CAND1: variants seen among roughly 807,000 people sequenced by gnomAD.
CAND1 encodes cullin-associated NEDD8-dissociated protein 1.
A neutral mutation model predicts 108.5 loss-of-function variants in CAND1; 7 were observed. The observed-to-expected ratio is 0.06, with a 90% CI of 0.04 to 0.12. CAND1 has a LOEUF of 0.12. CAND1 is among the 10% of genes least tolerant of loss of function. The pLI is 1.00. For synonymous variants in CAND1, 534 were observed against 512.0 expected (o/e 1.04, Z -0.58); for missense variants, 941 against 1,448.7 (o/e 0.65, Z 5.69).
chr12:67,288,329 T>C (rs1221769436), intron 2 of CAND1, among the ~76,000 whole-genome samples: 1 of 151,948 alleles, frequency 6.6e-6, no homozygotes, highest in Non-Finnish European at 1.5e-5. Flanking sequence ...GGTTTCACCA[T>C]GTTGGCCAGG....
In CAND1 at chr12:67,269,394, G is replaced by A. The variant is rs1472430670; in HGVS notation, c.-324G>A. 3 of 348,344 alleles carry A rather than the reference G, an allele frequency of 8.6e-6. No individual in the cohort carries two copies. Among genetic ancestry groups the A allele is most frequent in the Non-Finnish European group, 1.6e-5 (3 of 191,906 alleles). 21.6% of individuals were successfully genotyped at this position (348,344 alleles called of 1,614,324 possible). A position where few individuals can be genotyped will look rare whatever the true frequency, so the allele number is the denominator to read the frequency against. ...GGGAGCGAGTGCGGAGCGAGTGGGA[G>A]CGAGACGGCCCTGAGTGGAAGTGTC... On this transcript the variant is annotated 5_prime_UTR_variant, in exon 1 of 15. Transcript: ENST00000545606.
intron 6 of CAND1, among the ~76,000 whole-genome samples, chr12:67,298,330 G>A (rs2136010517): frequency 6.6e-6 from 1 of 151,826 alleles, no homozygotes; most frequent in African/African-American, 2.4e-5. Context: ...TACAAGATAA[G>A]TAACATTATT....
chr12:67,303,139 A>G (rs67547277), intron 8 of CAND1, among the ~76,000 whole-genome samples: 2,866 of 152,250 alleles, frequency 0.019, 40 homozygotes, highest in Middle Eastern at 0.041. Flanking sequence ...ACTTGAGGGC[A>G]TTTGTTTTCT....
chr12:67,272,370 T>C (rs1466881560), intron 1 of CAND1, among the ~76,000 whole-genome samples: 1 of 152,214 alleles, frequency 6.6e-6, no homozygotes. Context: ...CTGAGAGGCA[T>C]GGACATGACT....
At chr12:67,280,827 G>A (rs1201601980) in intron 1 of CAND1, among the ~76,000 whole-genome samples, 3 of 150,884 alleles carry the variant, frequency 2.0e-5, no homozygotes, top group Non-Finnish European at 4.4e-5. Context: ...GATCACTCTG[G>A]GTTTTTGCCA....
intron 2 of CAND1, among the ~76,000 whole-genome samples, chr12:67,290,752 A>C (rs190422671): frequency 6.6e-6 from 1 of 152,240 alleles, no homozygotes; most frequent in East Asian, 1.9e-4. Context: ...TGACTTCTTA[A>C]TATAGGGGTC....
intron 13 of CAND1, chr12:67,310,749 G>C (rs2044940611): frequency 6.5e-6 from 1 of 153,232 alleles, no homozygotes. Flanking sequence ...AGTCTGAATT[G>C]TAACTGTATC....
chr12:67,269,688 G>T lies in CAND1; in HGVS notation c.-30G>T. The T allele has an allele frequency of 6.3e-7, 1 of 1,585,516 alleles. No individual in the cohort carries two copies. Among genetic ancestry groups the T allele is most frequent in the South Asian group, 1.1e-5 (1 of 88,312 alleles). On this transcript the variant is annotated 5_prime_UTR_variant, in exon 1 of 15. Coordinates refer to ENST00000545606, the MANE Select transcript of CAND1 (RefSeq NM_018448.5). ...GCGGCAGCGGGCAGCAGCTCCAGCA[G>T]CGCCAGCAGGCGGGATCGAGGCCGT...
chr12:67,299,587 G>C (rs952089997), intron 7 of CAND1, among the ~76,000 whole-genome samples: 3 of 152,048 alleles, frequency 2.0e-5, no homozygotes, highest in African/African-American at 7.2e-5. Context: ...AAGAATATTA[G>C]TTTGTTTATT....
At chr12:67,291,246 G>A (rs1389888127) in intron 2 of CAND1, among the ~76,000 whole-genome samples, 2 of 152,208 alleles carry the variant, frequency 1.3e-5, no homozygotes, top group South Asian at 2.1e-4. Flanking sequence ...TATATGCAAG[G>A]TGCTTTGGGA....
chr12:67,305,612 G>T lies in CAND1; in HGVS notation c.1944G>T (p.Leu648=), dbSNP rs201425450. The change falls in exon 10 of 15, where the codon CTG becomes CTT. Residue 648 remains leucine, a synonymous_variant. Transcript: ENST00000545606. The surrounding 1 kb of genome is among the most constrained non-coding windows in gnomAD (Gnocchi z 4.4). ...SPLKIDLRPV[L]GEGVPILASF... is the part of the protein sequence containing the mutation. ...TGAAGATAGATTTGAGGCCTGTTCT[G>T]GGAGAAGGGGTTCCTATCCTTGCTT... 2 of 1,614,004 alleles carry T rather than the reference G, an allele frequency of 1.2e-6. No individual in the cohort carries two copies. Among genetic ancestry groups the T allele is most frequent in the African/African-American group, 1.3e-5 (1 of 74,914 alleles).
chr12:67,273,339 G>A (rs1001864749), intron 1 of CAND1, among the ~76,000 whole-genome samples: 2 of 152,070 alleles, frequency 1.3e-5, no homozygotes, highest in South Asian at 2.1e-4. Context: ...GGAATAAAGA[G>A]TAAACCTTAT....
At chr12:67,281,006 C>T (rs915250652) in intron 1 of CAND1, among the ~76,000 whole-genome samples, 38 of 151,916 alleles carry the variant, frequency 2.5e-4, no homozygotes, top group African/African-American at 8.0e-4. Flanking sequence ...TGTGGGAGGC[C>T]GAGGTAGGTG....
At chr12:67,285,272 C>G (rs2044659552) in intron 2 of CAND1, among the ~76,000 whole-genome samples, 1 of 152,098 alleles carries the variant, frequency 6.6e-6, no homozygotes, top group Non-Finnish European at 1.5e-5. Flanking sequence ...CTTGAAGATA[C>G]AAAAATGTAC....
chr12:67,309,540 G>A (rs2044926522), intron 11 of CAND1, among the ~76,000 whole-genome samples: 1 of 151,760 alleles, frequency 6.6e-6, no homozygotes, highest in Non-Finnish European at 1.5e-5. Flanking sequence ...GCTGCTTTTA[G>A]TGAACTACAA....
Position 67,305,889 on chromosome 12 carries a change from C to T in CAND1, c.2221C>T (p.Leu741Phe). 1.2e-6 allele frequency: 2 copies of T among 1,614,100 alleles called. No homozygotes were observed. The highest frequency in any genetic ancestry group is 1.7e-6 in the Non-Finnish European group (2 of 1,179,964). The change falls in exon 10 of 15, where the codon CTT becomes TTT. Residue 741 changes from leucine (L) to phenylalanine (F), a missense_variant. By Grantham distance (22) the Leu-to-Phe change is conservative (BLOSUM62 0). Around this residue, in one of 9 missense-constraint regions of CAND1, gnomAD observed 697 missense variants for 942.0 expected, o/e 0.74. Transcript: ENST00000545606. This position sits in a 1 kb window ranked among gnomAD's most constrained non-coding sequence, Gnocchi z 4.4. Reference protein sequence around the residue: ...SGSILNELIGLVRSPLLQGGA... With the variant: ...SGSILNELIGFVRSPLLQGGA... ...ATCCATTCTCAATGAACTTATTGGACTTGTGAGATCACCCTTATTGCAGGG... is the reference window on the plus strand; with the variant it reads ...ATCCATTCTCAATGAACTTATTGGATTTGTGAGATCACCCTTATTGCAGGG...
intron 7 of CAND1, among the ~76,000 whole-genome samples, chr12:67,301,770 A>T (rs1408739944): frequency 6.6e-6 from 1 of 152,206 alleles, no homozygotes; most frequent in Non-Finnish European, 1.5e-5. Context: ...TTGAGTGAAA[A>T]GCCTTGTAGT....
At chr12:67,284,461 C>G (rs542287820) in intron 2 of CAND1, among the ~76,000 whole-genome samples, 2 of 152,148 alleles carry the variant, frequency 1.3e-5, no homozygotes, top group African/African-American at 4.8e-5. Context: ...GGTTAGTTGT[C>G]AAGACACTGA....
chr12:67,282,204 T>C, intron 2 of CAND1, 151 bp downstream of exon 2: 1 of 711,960 alleles, frequency 1.4e-6, no homozygotes, highest in South Asian at 1.7e-5. Flanking sequence ...GTTTAGTGTT[T>C]GTATATGGTA....
Sources: gnomAD v4.1 joint callset for allele counts (sites outside exome capture counted in the v4.1 genomes callset) on GRCh38, gnomAD v4.1.1 for gene constraint, gnomAD v4.1.1 regional missense constraint, Gnocchi (gnomAD v3.1) non-coding constraint, MANE v1.5 for transcripts, NCBI Gene and HGNC (gene_info 2026-07-23, HGNC 2026-07-21) for gene names.